The following SLC44A5 variants were observed in gnomAD, a reference collection of about 807,000 sequenced individuals.
SLC44A5 encodes solute carrier family 44 member 5, also known as choline transporter-like protein 5.
Under a neutral mutation model 101.8 loss-of-function variants are expected in SLC44A5, and 57 were observed. The ratio of observed to expected loss-of-function variants is 0.56; its 90% CI spans 0.45 to 0.70. The LOEUF (loss-of-function observed/expected upper bound fraction) is 0.70. Among genes scored for constraint, SLC44A5 ranks in the 30% least tolerant of loss-of-function variants. The pLI, the probability that SLC44A5 is intolerant of heterozygous loss-of-function variation, is 0.00. For synonymous variants in SLC44A5, 281 were observed against 290.9 expected (o/e 0.97, Z 0.35); for missense variants, 737 against 853.1 (o/e 0.86, Z 1.70).
intron 3 of SLC44A5, among the ~76,000 whole-genome samples, chr1:75,370,684 G>A (rs139375584): frequency 6.6e-6 from 1 of 152,272 alleles, no homozygotes; most frequent in Non-Finnish European, 1.5e-5. Flanking sequence ...ATGATGTCCT[G>A]CAGAATCAAA....
chr1:75,637,056 T>C, the SLC44A5 span, among the ~76,000 whole-genome samples: 9 of 152,068 alleles, frequency 5.9e-5, no homozygotes, highest in African/African-American at 2.2e-4. Context: ...TCTCGAAATA[T>C]GGCTAGCATA....
At chr1:75,575,338 A>G (rs985729587) in intron 1 of SLC44A5, among the ~76,000 whole-genome samples, 11 of 152,208 alleles carry the variant, frequency 7.2e-5, no homozygotes, top group African/African-American at 9.6e-5. Flanking sequence ...ACAATGTAGA[A>G]AGGAAAAAAT....
the SLC44A5 span, among the ~76,000 whole-genome samples, chr1:75,630,239 T>C: frequency 6.6e-6 from 1 of 152,182 alleles, no homozygotes; most frequent in African/African-American, 2.4e-5. Context: ...GCAATTGGCT[T>C]GTCTGCCTCT....
intron 4 of SLC44A5, among the ~76,000 whole-genome samples, chr1:75,319,145 C>G (rs958857286): frequency 7.9e-5 from 12 of 152,058 alleles, no homozygotes; most frequent in Non-Finnish European, 1.8e-4. Flanking sequence ...TTATTTAGCT[C>G]CATATGATTC....
chr1:75,411,819 A>G (rs1663298344), intron 2 of SLC44A5, among the ~76,000 whole-genome samples: 1 of 152,156 alleles, frequency 6.6e-6, no homozygotes, highest in Admixed American at 6.6e-5. Flanking sequence ...TTTATCCTTA[A>G]CAGCTGTCAC....
chr1:75,471,861 C>T (rs540859544), intron 2 of SLC44A5, among the ~76,000 whole-genome samples: 9 of 141,610 alleles, frequency 6.4e-5, no homozygotes, highest in African/African-American at 2.3e-4. Context: ...GGACCATGAA[C>T]AAGGAACCAC....
intron 1 of SLC44A5, among the ~76,000 whole-genome samples, chr1:75,609,221 G>A (rs1406785295): frequency 6.6e-6 from 1 of 151,840 alleles, no homozygotes. Flanking sequence ...GCTGGGAGGA[G>A]GAAGGGATTC....
Position 75,293,534 on chromosome 1 carries a change from T to C in SLC44A5, c.175+7078A>G, listed in dbSNP as rs558486960. Among the ~76,000 whole-genome samples the C allele has an allele frequency of 2.0e-5, 3 of 152,292 alleles. No individual in the cohort carries two copies. The South Asian group carries it at 6.2e-4, about 32-fold the overall frequency. On this transcript the variant is annotated intron_variant, in intron 5 of 23. Coordinates refer to ENST00000370859, the MANE Select transcript of SLC44A5 (RefSeq NM_001130058.2). ...ATATGTGAGGAACAGGCCGGCCAAA[T>C]TGTGCTTATGGCTTTTTAACACAAG...
the SLC44A5 span, among the ~76,000 whole-genome samples, chr1:75,670,886 T>C: frequency 6.6e-5 from 10 of 152,198 alleles, no homozygotes; most frequent in South Asian, 2.1e-4. Flanking sequence ...AAAATATATC[T>C]GGGATTTGTT....
At chr1:75,541,332 T>C in intron 2 of SLC44A5, 103 bp downstream of exon 2, 1 of 879,724 alleles carries the variant, frequency 1.1e-6, no homozygotes, top group African/African-American at 1.7e-5. Flanking sequence ...GACAACATAG[T>C]ATATACTCAT....
At chr1:75,655,828 T>C in the SLC44A5 span, among the ~76,000 whole-genome samples, 1 of 152,108 alleles carries the variant, frequency 6.6e-6, no homozygotes, top group Non-Finnish European at 1.5e-5. Flanking sequence ...GAAAAAAATA[T>C]ATTAGAAAGT....
chr1:75,457,924 G>T lies in SLC44A5; in HGVS notation c.14-61303C>A, dbSNP rs115969986. ...AAACAAGTGGAAGTAAATGTGGTTGGAGAAAAATCAGGACCACATTCCTTG... is the reference window on the plus strand; with the variant it reads ...AAACAAGTGGAAGTAAATGTGGTTGTAGAAAAATCAGGACCACATTCCTTG... On this transcript the variant is annotated intron_variant, in intron 2 of 23. Transcript: ENST00000370859. Among the ~76,000 whole-genome samples the T allele has an allele frequency of 4.6e-3, 698 of 152,106 alleles. 3 individuals are homozygous for T. Among genetic ancestry groups the T allele is most frequent in the African/African-American group, 0.016 (673 of 41,504 alleles).
chr1:75,630,316 G>T, the SLC44A5 span, among the ~76,000 whole-genome samples: 1 of 152,066 alleles, frequency 6.6e-6, no homozygotes, highest in African/African-American at 2.4e-5. Context: ...AAGTACTCTT[G>T]GTTACAATCA....
chr1:75,488,455 G>T (rs988147629), intron 2 of SLC44A5, among the ~76,000 whole-genome samples: 9 of 152,112 alleles, frequency 5.9e-5, no homozygotes, highest in African/African-American at 2.2e-4. Context: ...AATATTAGGG[G>T]ATCACCATTG....
chr1:75,636,181 G>A, the SLC44A5 span, among the ~76,000 whole-genome samples: 1 of 151,872 alleles, frequency 6.6e-6, no homozygotes, highest in Non-Finnish European at 1.5e-5. Flanking sequence ...TAGGCTTTTT[G>A]TGTCTGGCTT....
At chr1:75,444,480 AAAG>A (rs1350795524) in intron 2 of SLC44A5, among the ~76,000 whole-genome samples, 1 of 129,112 alleles carries the variant, frequency 7.7e-6, no homozygotes, top group African/African-American at 2.9e-5. Context: ...AAAGAGAAAG[AAAG>A]AAGAAAGAAA....
rs1386972236 is a variant in SLC44A5 at position 75,548,160 on chromosome 1, A to G, written c.-69-6644T>C. Among the ~76,000 whole-genome samples the G allele has an allele frequency of 2.0e-5, 3 of 152,166 alleles. No individual in the cohort carries two copies. In the East Asian group the frequency reaches 5.8e-4, roughly 29 times the overall value. ...TCCTCACATCTCTAGTTTTAGACAG[A>G]CCAAGTCTCATTTTTATTATGTTTC... is the stretch of plus-strand genomic sequence containing the variant. On this transcript the variant is annotated intron_variant, in intron 1 of 23. Coordinates refer to ENST00000370859, the MANE Select transcript of SLC44A5 (RefSeq NM_001130058.2).
At chr1:75,345,173 G>A (rs372043422) in intron 3 of SLC44A5, among the ~76,000 whole-genome samples, 5 of 150,420 alleles carry the variant, frequency 3.3e-5, no homozygotes, top group East Asian at 1.9e-4. Flanking sequence ...GAAGTGCACC[G>A]ATGTGAAAAA....
rs1314920490 is a variant in SLC44A5, at chr1:75,358,410, G to A, written c.53-18780C>T. ...GGTATGTTAGTCAAAGTTTTGCATT[G>A]CATTATTTTTTAAAACTTTTTTCTA... On this transcript the variant is annotated intron_variant, in intron 3 of 23. Coordinates refer to ENST00000370859, the MANE Select transcript of SLC44A5 (RefSeq NM_001130058.2). Among the ~76,000 whole-genome samples the A allele has an allele frequency of 3.3e-5, 5 of 152,000 alleles. No individual in the cohort carries two copies. In the East Asian group the frequency reaches 9.6e-4, roughly 29 times the overall value.
Sources: gnomAD v4.1 joint callset for allele counts (sites outside exome capture counted in the v4.1 genomes callset) on GRCh38, gnomAD v4.1.1 for gene constraint, MANE v1.5 for transcripts, NCBI Gene and HGNC (gene_info 2026-07-23, HGNC 2026-07-21) for gene names.